Variants in GRIN2D observed in about 807,000 individuals in gnomAD.
The protein encoded by GRIN2D is glutamate receptor ionotropic, NMDA 2D.
Under a neutral mutation model 103.2 loss-of-function variants are expected in GRIN2D, and 37 were observed. The ratio of observed to expected loss-of-function variants is 0.36; its 90% CI spans 0.28 to 0.47. GRIN2D has a LOEUF of 0.47. Among genes scored for constraint, GRIN2D ranks in the 20% least tolerant of loss-of-function variants. The pLI is 1.00. For synonymous variants in GRIN2D, 845 were observed against 885.6 expected (o/e 0.95, Z 0.81); for missense variants, 1,557 against 1,910.6 (o/e 0.81, Z 3.45).
chr19:48,408,207 G>A (rs903822943), intron 4 of GRIN2D, among the ~76,000 whole-genome samples: 13 of 151,892 alleles, frequency 8.6e-5, no homozygotes, highest in African/African-American at 1.4e-4. Flanking sequence ...GGTGGCGGGC[G>A]CCTGTAGTCC....
intron 3 of GRIN2D, 39 bp downstream of exon 3, chr19:48,398,896 C>T: frequency 1.3e-6 from 1 of 766,978 alleles, no homozygotes; most frequent in South Asian, 5.8e-5. Context: ...ACAGGAGGGG[C>T]GGGGACAGCC....
Position 48,414,170 on chromosome 19 carries a change from G to C in GRIN2D, c.1200+65G>C, listed in dbSNP as rs546500633. 4.7e-6 allele frequency: 5 copies of C among 1,053,862 alleles called. No individual in the cohort carries two copies. The highest frequency in any genetic ancestry group is 2.0e-4 in the Middle Eastern group (1 of 4,934). The allele number at this position is 1,053,862 out of a possible 1,614,324, so 65.3% of individuals were successfully genotyped here. ...TGGACTCCTGCATCCTGGCAGAGGG[G>C]GGGCTTGAGGTCGTGGACTAAGAGG... On this transcript the variant is annotated intron_variant, in intron 5 of 13. Transcript: ENST00000263269. This position sits in a 1 kb window ranked among gnomAD's most constrained non-coding sequence, Gnocchi z 4.6.
intron 11 of GRIN2D, among the ~76,000 whole-genome samples, chr19:48,425,171 A>G (rs1399213822): frequency 8.0e-6 from 1 of 124,890 alleles, no homozygotes; most frequent in Non-Finnish European, 1.6e-5. Flanking sequence ...GATACCTCAC[A>G]CTGCCAGCCT....
Position 48,405,435 on chromosome 19 carries a change from A to T in GRIN2D, c.1085+82A>T. 7.6e-7 allele frequency: 1 copy of T among 1,320,444 alleles called. No individual in the cohort carries two copies. Among genetic ancestry groups the T allele is most frequent in the Non-Finnish European group, 1.0e-6 (1 of 992,552 alleles). 81.8% of individuals were successfully genotyped at this position (1,320,444 alleles called of 1,614,324 possible). On this transcript the variant is annotated intron_variant, in intron 4 of 13. Coordinates refer to ENST00000263269, the MANE Select transcript of GRIN2D (RefSeq NM_000836.4). This position sits in a 1 kb window ranked among gnomAD's most constrained non-coding sequence, Gnocchi z 5.1. ...AGTATTCACTGAATGAGTGGCTCAA[A>T]TGGGCCACATCTGCTCTTTGAGCCT...
chr19:48,407,198 C>G (rs1217768224), intron 4 of GRIN2D, among the ~76,000 whole-genome samples: 1 of 151,964 alleles, frequency 6.6e-6, no homozygotes, highest in African/African-American at 2.4e-5. Context: ...GTCTCGAACT[C>G]CTAACCTCAA....
chr19:48,425,782 C>CT (rs566440284), intron 11 of GRIN2D, among the ~76,000 whole-genome samples: 18 of 151,886 alleles, frequency 1.2e-4, no homozygotes, highest in Non-Finnish European at 2.2e-4. Flanking sequence ...TATTTTTCAT[C>CT]TTTTTTTTAT....
rs1254890403 is a variant in GRIN2D, at chr19:48,442,407, G to A, written c.2673+25G>A. ...GGTATGGGGCAGAGAGGGAGGCAGA[G>A]AGGGGGAGATGGCAGGGGCGGGGAC... is the stretch of plus-strand genomic sequence containing the variant. On this transcript the variant is annotated intron_variant, in intron 13 of 13. Coordinates refer to ENST00000263269, the MANE Select transcript of GRIN2D (RefSeq NM_000836.4). The surrounding 1 kb of genome is among the most constrained non-coding windows in gnomAD (Gnocchi z 7.2). 4 of 1,592,990 alleles carry A rather than the reference G, an allele frequency of 2.5e-6. No individual in the cohort carries two copies. Among genetic ancestry groups the A allele is most frequent in the Admixed American group, 1.7e-5 (1 of 59,898 alleles).
At chr19:48,436,117 A>C (rs1368819186) in intron 11 of GRIN2D, among the ~76,000 whole-genome samples, 1 of 152,160 alleles carries the variant, frequency 6.6e-6, no homozygotes, top group East Asian at 1.9e-4. Context: ...GGGGGTCTGC[A>C]ATGGAAAAAG....
At position 48,404,952 on chromosome 19, in the gene GRIN2D, C is replaced by A; in HGVS notation, c.684C>A (p.Gly228=). The A allele has an allele frequency of 6.2e-7, 1 of 1,612,348 alleles. No individual in the cohort carries two copies. Among genetic ancestry groups the A allele is most frequent in the African/African-American group, 1.3e-5 (1 of 75,052 alleles). Residue 228 remains glycine, a synonymous_variant, in exon 4 of 14, where the codon GGC becomes GGA. Transcript: ENST00000263269. ...CGCTGACGCTGGACCCTGGGGCGGG[C>A]GAGGCCGTGCTCAGTGCCCAGCTCC... ...RGALTLDPGA[G]EAVLSAQLRS... is the part of the protein sequence containing the mutation.
intron 11 of GRIN2D, among the ~76,000 whole-genome samples, chr19:48,433,926 G>A (rs571924323): frequency 6.6e-6 from 1 of 151,142 alleles, no homozygotes; most frequent in East Asian, 1.9e-4. Flanking sequence ...ACCAGTCTGA[G>A]TTTACTCATT....
intron 3 of GRIN2D, among the ~76,000 whole-genome samples, chr19:48,399,341 G>A (rs752786459): frequency 6.6e-5 from 10 of 152,166 alleles, no homozygotes; most frequent in African/African-American, 1.7e-4. Context: ...CGAGGCCGGC[G>A]GATCACTTGA....
chr19:48,440,508 G>A lies in GRIN2D; in HGVS notation c.2253-1261G>A, dbSNP rs1032162148. ...CTGAGGAGGCTGAGGCAGGAGGTTC[G>A]GTTGAACCGAAGAGGTCAAGGCTGC... On this transcript the variant is annotated intron_variant, in intron 11 of 13. Transcript: ENST00000263269. Among the ~76,000 whole-genome samples the A allele has an allele frequency of 3.9e-5, 6 of 152,136 alleles. No homozygotes were observed. In the South Asian group the frequency reaches 6.2e-4, roughly 16 times the overall value.
rs538101382 is a variant in GRIN2D at position 48,394,698 on chromosome 19, C to G, written c.-265C>G. ...CACGTCCTCGCCTAGTCCAGGTGGC[C>G]GCAACCTTGGGGGAGAGACAGGGCA... On this transcript the variant is annotated 5_prime_UTR_variant, in exon 2 of 14. Transcript: ENST00000263269. This position sits in a 1 kb window ranked among gnomAD's most constrained non-coding sequence, Gnocchi z 5.1. Among the ~76,000 whole-genome samples, 1,002 of 152,230 alleles carry G rather than the reference C, an allele frequency of 6.6e-3. 10 individuals carry two copies. Among genetic ancestry groups the G allele is most frequent in the Non-Finnish European group, 0.011 (750 of 68,008 alleles).
chr19:48,407,019 C>T (rs929169351), intron 4 of GRIN2D, among the ~76,000 whole-genome samples: 1 of 149,848 alleles, frequency 6.7e-6, no homozygotes, highest in Non-Finnish European at 1.5e-5. Flanking sequence ...CACTCTGTCG[C>T]CCAGCTGGAG....
intron 4 of GRIN2D, among the ~76,000 whole-genome samples, chr19:48,408,924 G>C (rs1004039738): frequency 2.0e-5 from 3 of 152,074 alleles, no homozygotes; most frequent in Admixed American, 2.0e-4. Context: ...AAAGGCTCTG[G>C]GGCTGGAACT....
chr19:48,443,181 A>G lies in GRIN2D; in HGVS notation c.3255A>G (p.Ala1085=). Residue 1085 remains alanine (A), a synonymous_variant, in exon 14 of 14, where the codon GCA becomes GCG. Transcript: ENST00000263269. The surrounding 1 kb of genome is among the most constrained non-coding windows in gnomAD (Gnocchi z 8.9). ...GAGGAGGTGG[A]GGGAPAAPPP... ...GCGGCGCGGGGGGCACGGGGGGCGC[A>G]GGCGGAGGAGCCCCGGCCGCTCCGC... is the stretch of plus-strand genomic sequence containing the variant. The G allele has an allele frequency of 2.8e-6, 3 of 1,078,276 alleles. No homozygotes were observed. The highest frequency in any genetic ancestry group is 4.3e-5 in the South Asian group (1 of 23,110). The allele number at this position is 1,078,276 out of a possible 1,614,324, so 66.8% of individuals were successfully genotyped here.
At chr19:48,437,624 C>T (rs757231266) in intron 11 of GRIN2D, among the ~76,000 whole-genome samples, 38 of 152,182 alleles carry the variant, frequency 2.5e-4, no homozygotes, top group Non-Finnish European at 4.3e-4. Context: ...TCTCTCCTTC[C>T]ACTCCCGCTT....
chr19:48,443,292 C>T lies in GRIN2D; in HGVS notation c.3366C>T (p.Gly1122=). The T allele has an allele frequency of 6.6e-7, 1 of 1,524,706 alleles. No individual in the cohort carries two copies. The allele number at this position is 1,524,706 out of a possible 1,614,324, so 94.4% of individuals were successfully genotyped here. Residue 1122 remains glycine, a synonymous_variant, in exon 14 of 14, where the codon GGC becomes GGT. Coordinates refer to ENST00000263269, the MANE Select transcript of GRIN2D (RefSeq NM_000836.4). The surrounding 1 kb of genome is among the most constrained non-coding windows in gnomAD (Gnocchi z 8.9). ...PSDSEDSESL[G]GASLGGLEPW... is the part of the protein sequence containing the mutation. ...ACTCGGAGGACTCGGAGAGCCTGGG[C>T]GGCGCGTCGCTGGGCGGCCTGGAGC...
At chr19:48,427,744 G>C (rs1971105449) in intron 11 of GRIN2D, among the ~76,000 whole-genome samples, 1 of 151,988 alleles carries the variant, frequency 6.6e-6, no homozygotes, top group Non-Finnish European at 1.5e-5. Flanking sequence ...GCCTCCCAAA[G>C]TGCTGGGATT....
Sources: gnomAD v4.1 joint callset for allele counts (sites outside exome capture counted in the v4.1 genomes callset) on GRCh38, gnomAD v4.1.1 for gene constraint, Gnocchi (gnomAD v3.1) non-coding constraint, MANE v1.5 for transcripts, NCBI Gene and HGNC (gene_info 2026-07-23, HGNC 2026-07-21) for gene names.